Variants in NELL1 observed in about 807,000 individuals in gnomAD.
NELL1 encodes neural EGFL like 1, also known as protein kinase C-binding protein NELL1.
In NELL1, 76 loss-of-function variants were observed where a neutral mutation model predicts 107.4. That is an observed-to-expected ratio of 0.71 (90% confidence interval 0.59 to 0.86). NELL1 has a LOEUF of 0.86. Among genes scored for constraint, NELL1 ranks in the 40% least tolerant of loss-of-function variants. The probability of loss-of-function intolerance (pLI) is 0.00; values close to 1 mark genes in which losing one functional copy is unlikely to be tolerated. For synonymous variants in NELL1, 353 were observed against 341.2 expected, an observed-to-expected ratio of 1.03 and a Z score of -0.38; for missense variants, 1,024 against 1,005.5, an observed-to-expected ratio of 1.02 and a Z score of -0.25.
At chr11:21,420,386 A>G (rs1160681770) in intron 15 of NELL1, among the ~76,000 whole-genome samples, 2 of 152,196 alleles carry the variant, frequency 1.3e-5, no homozygotes, top group Non-Finnish European at 2.9e-5. Context: ...AGTTGTAAAA[A>G]TGATGTAAAT....
intron 12 of NELL1, among the ~76,000 whole-genome samples, chr11:20,976,082 T>C (rs1851625219): frequency 6.8e-6 from 1 of 147,914 alleles, no homozygotes; most frequent in Non-Finnish European, 1.5e-5. Context: ...ATGTATTATA[T>C]ACATTACATT....
chr11:21,404,161 C>T (rs1053805648), intron 15 of NELL1, among the ~76,000 whole-genome samples: 1 of 151,832 alleles, frequency 6.6e-6, no homozygotes, highest in Non-Finnish European at 1.5e-5. Context: ...AACAGCCTGG[C>T]TATTTTTGGA....
chr11:21,103,642 T>A (rs1165096843), intron 12 of NELL1, among the ~76,000 whole-genome samples: 1 of 152,188 alleles, frequency 6.6e-6, no homozygotes, highest in African/African-American at 2.4e-5. Flanking sequence ...AAAGAGGATA[T>A]AGACAGCTTT....
chr11:20,756,122 C>T (rs1450670059), intron 2 of NELL1, among the ~76,000 whole-genome samples: 1 of 151,688 alleles, frequency 6.6e-6, no homozygotes, highest in African/African-American at 2.4e-5. Flanking sequence ...CCTCGTGATC[C>T]GCCTGCCTCG....
At chr11:21,481,147 G>T (rs1469626403) in intron 15 of NELL1, among the ~76,000 whole-genome samples, 1 of 152,136 alleles carries the variant, frequency 6.6e-6, no homozygotes, top group Non-Finnish European at 1.5e-5. Flanking sequence ...GATGTTTAAT[G>T]CAGAATCAAA....
intron 2 of NELL1, among the ~76,000 whole-genome samples, chr11:20,738,951 GAT>G: frequency 6.6e-6 from 1 of 152,316 alleles, no homozygotes; most frequent in South Asian, 2.1e-4. Flanking sequence ...TGGGAGCAGA[GAT>G]ACAAGTAGGG....
intron 15 of NELL1, among the ~76,000 whole-genome samples, chr11:21,397,373 A>G (rs1190713528): frequency 6.6e-6 from 1 of 151,620 alleles, no homozygotes; most frequent in African/African-American, 2.4e-5. Context: ...AAAAAGTAGT[A>G]TATTTTTATT....
intron 15 of NELL1, chr11:21,383,996 A>G (rs535427844): frequency 6.6e-6 from 1 of 151,938 alleles, no homozygotes; most frequent in South Asian, 2.1e-4. Context: ...TCTTGAAATC[A>G]TCTGTGATTT....
chr11:20,797,753 C>T (rs971856443), intron 3 of NELL1, among the ~76,000 whole-genome samples: 1 of 151,956 alleles, frequency 6.6e-6, no homozygotes, highest in African/African-American at 2.4e-5. Flanking sequence ...GGGTGATGCC[C>T]AGGGTTCTGG....
intron 3 of NELL1, 64 bp from the exon 4 acceptor site, chr11:20,847,519 G>A (rs2134057183): frequency 3.3e-6 from 5 of 1,517,668 alleles, no homozygotes; most frequent in East Asian, 4.7e-5. Context: ...AGGGGTTGAG[G>A]GATTGATGAT....
intron 14 of NELL1, among the ~76,000 whole-genome samples, chr11:21,339,001 T>G (rs1850501309): frequency 6.6e-6 from 1 of 152,164 alleles, no homozygotes; most frequent in African/African-American, 2.4e-5. Context: ...CTAAATAGAT[T>G]TAAATACATA....
At chr11:21,098,473 C>CT (rs1288988922) in intron 12 of NELL1, among the ~76,000 whole-genome samples, 2 of 152,180 alleles carry the variant, frequency 1.3e-5, no homozygotes, top group Non-Finnish European at 2.9e-5. Flanking sequence ...AGGTGAATAT[C>CT]TAAGGGCTTG....
intron 2 of NELL1, among the ~76,000 whole-genome samples, chr11:20,695,581 G>C (rs1459043463): frequency 6.6e-6 from 1 of 151,962 alleles, no homozygotes; most frequent in Non-Finnish European, 1.5e-5. Flanking sequence ...TTCTTTATGT[G>C]GTGAATGACA....
At chr11:20,784,653 A>C (rs1448454604) in intron 3 of NELL1, among the ~76,000 whole-genome samples, 1 of 152,234 alleles carries the variant, frequency 6.6e-6, no homozygotes, top group East Asian at 1.9e-4. Flanking sequence ...TAAGTTTAAG[A>C]AAGATCACTC....
Position 21,229,436 on chromosome 11 carries a change from A to G in NELL1, c.1531A>G (p.Asn511Asp). 6.2e-7 allele frequency: 1 copy of G among 1,613,888 alleles called. No individual in the cohort carries two copies. The highest frequency in any genetic ancestry group is 1.1e-5 in the South Asian group (1 of 91,074). The change falls in exon 14 of 20, where the codon AAC becomes GAC. Residue 511 changes from asparagine to aspartate, a missense_variant. Asn to Asp is a conservative substitution (Grantham distance 23). Coordinates refer to ENST00000357134, the MANE Select transcript of NELL1 (RefSeq NM_006157.5). ...SCTCKPGYVG[N>D]GTICRAFCEE... ...CACCTGCAAACCGGGCTACGTGGGG[A>G]ACGGGACCATCTGCAGAGGTAGGCT...
At chr11:20,714,623 G>A (rs1477900657) in intron 2 of NELL1, among the ~76,000 whole-genome samples, 1 of 152,072 alleles carries the variant, frequency 6.6e-6, no homozygotes, top group Non-Finnish European at 1.5e-5. Flanking sequence ...CCAGGCTCAG[G>A]TGATCCTTCC....
intron 14 of NELL1, among the ~76,000 whole-genome samples, chr11:21,316,272 C>T (rs975400250): frequency 7.2e-5 from 11 of 152,196 alleles, no homozygotes; most frequent in African/African-American, 2.6e-4. Flanking sequence ...TTTTATTTGA[C>T]ATCACACCGT....
chr11:21,145,207 T>A (rs898356420), intron 13 of NELL1, among the ~76,000 whole-genome samples: 1 of 152,220 alleles, frequency 6.6e-6, no homozygotes, highest in Non-Finnish European at 1.5e-5. Context: ...TTAATTGTCA[T>A]AACAATTCAG....
At chr11:21,340,175 C>T (rs541271362) in intron 14 of NELL1, among the ~76,000 whole-genome samples, 17 of 152,184 alleles carry the variant, frequency 1.1e-4, no homozygotes, top group East Asian at 9.7e-4. Context: ...GTTTTTGAGA[C>T]GGAGTCTCAC....
Sources: gnomAD v4.1 joint callset for allele counts (sites outside exome capture counted in the v4.1 genomes callset) on GRCh38, gnomAD v4.1.1 for gene constraint, MANE v1.5 for transcripts, NCBI Gene and HGNC (gene_info 2026-07-23, HGNC 2026-07-21) for gene names.